MKRN2: variants seen among roughly 807,000 people sequenced by gnomAD.
MKRN2 encodes the protein E3 ubiquitin-protein ligase makorin-2.
In MKRN2, 32 loss-of-function variants were observed where a neutral mutation model predicts 45.4. That is an observed-to-expected ratio of 0.70 (90% confidence interval 0.53 to 0.95). The LOEUF (loss-of-function observed/expected upper bound fraction) is 0.95, where lower values mean the gene tolerates loss of function less well. Among genes scored for constraint, MKRN2 ranks in the 40% least tolerant of loss-of-function variants. The pLI is 0.00. For synonymous variants in MKRN2, 206 were observed against 192.4 expected (o/e 1.07, Z -0.59); for missense variants, 526 against 536.7 (o/e 0.98, Z 0.20).
chr3:12,583,607 C>CTAAATTTAATTTATTT lies in MKRN2; in HGVS notation c.*1357_*1372dup, dbSNP rs1440424634. 2 of 230,828 alleles carry CTAAATTTAATTTATTT rather than the reference C, an allele frequency of 8.7e-6. No individual in the cohort carries two copies. The highest frequency in any genetic ancestry group is 1.7e-5 in the Non-Finnish European group (2 of 116,666). 14.3% of individuals were successfully genotyped at this position (230,828 alleles called of 1,614,324 possible). A position where few individuals can be genotyped will look rare whatever the true frequency, so the allele number is the denominator to read the frequency against. Reference sequence around the variant, plus strand: ...AGGAGGTAACAGCCAGCCATTACACCTAAATTTAATTTATTTTATTAAAAT... The same window carrying CTAAATTTAATTTATTT: ...AGGAGGTAACAGCCAGCCATTACACCTAAATTTAATTTATTTTAAATTTAATTTATTTTATTAAAAT... On this transcript the variant is annotated 3_prime_UTR_variant, in exon 8 of 8. Coordinates refer to ENST00000170447, the MANE Select transcript of MKRN2 (RefSeq NM_014160.5).
rs564316962 is a variant in MKRN2 at position 12,583,354 on chromosome 3, AAT to A, written c.*1103_*1104del. The A allele has an allele frequency of 2.0e-3, 333 of 162,912 alleles. 1 individual carries two copies. Among genetic ancestry groups the A allele is most frequent in the Non-Finnish European group, 3.5e-3 (257 of 74,390 alleles). The allele number at this position is 162,912 out of a possible 1,614,324, so 10.1% of individuals were successfully genotyped here. ...AAAAGCTGTACCTACCAAATAAATA[AAT>A]AGTTTATAAAATGTATTACTTAAGG... On this transcript the variant is annotated 3_prime_UTR_variant, in exon 8 of 8. Coordinates refer to ENST00000170447, the MANE Select transcript of MKRN2 (RefSeq NM_014160.5).
intron 1 of MKRN2, among the ~76,000 whole-genome samples, chr3:12,565,999 A>T (rs1433574669): frequency 6.6e-6 from 1 of 151,986 alleles, no homozygotes; most frequent in African/African-American, 2.4e-5. Context: ...CAGGCCCCCA[A>T]GTAGCCATCA....
At chr3:12,569,042 T>A in intron 2 of MKRN2, 39 bp downstream of exon 2, 1 of 1,590,182 alleles carries the variant, frequency 6.3e-7, no homozygotes, top group East Asian at 2.3e-5. Context: ...TGACACTGAT[T>A]TCATTTGGAG....
chr3:12,579,057 T>TG (rs1488337509), intron 6 of MKRN2, among the ~76,000 whole-genome samples: 4 of 152,188 alleles, frequency 2.6e-5, no homozygotes. Context: ...GATCTTTCCT[T>TG]GCTTTGCTTT....
chr3:12,582,100 C>A lies in MKRN2; in HGVS notation c.1114-16C>A. The A allele has an allele frequency of 6.2e-7, 1 of 1,614,178 alleles. No individual in the cohort carries two copies. The highest frequency in any genetic ancestry group is 8.5e-7 in the Non-Finnish European group (1 of 1,180,020). On this transcript the variant is annotated splice_polypyrimidine_tract_variant and intron_variant, in intron 7 of 7. Coordinates refer to ENST00000170447, the MANE Select transcript of MKRN2 (RefSeq NM_014160.5). ...TCTTAGCAGTAACCAGGCATGTCCA[C>A]TGGCTGTTTTTGCAGTTCTTTAATT...
intron 6 of MKRN2, among the ~76,000 whole-genome samples, chr3:12,580,818 C>T (rs951189092): frequency 6.6e-6 from 1 of 152,204 alleles, no homozygotes; most frequent in African/African-American, 2.4e-5. Context: ...CACCGGCCTG[C>T]GGCCATCCCA....
chr3:12,581,374 AG>A (rs2058177384), intron 6 of MKRN2, among the ~76,000 whole-genome samples: 1 of 152,116 alleles, frequency 6.6e-6, no homozygotes, highest in African/African-American at 2.4e-5. Flanking sequence ...TGCGGCCAGG[AG>A]GAAGGGGAGA....
rs141437901 is a variant in MKRN2, at chr3:12,580,094, A to G, written c.969-1714A>G. Among the ~76,000 whole-genome samples the G allele has an allele frequency of 1.9e-3, 284 of 152,266 alleles. 1 individual carries two copies. Among genetic ancestry groups the G allele is most frequent in the African/African-American group, 6.6e-3 (275 of 41,540 alleles). ...GGGAAGTGATTTGTAAACAGAATGA[A>G]CACAGTTGGGTGTGAGAGCCGAGGA... On this transcript the variant is annotated intron_variant, in intron 6 of 7. Coordinates refer to ENST00000170447, the MANE Select transcript of MKRN2 (RefSeq NM_014160.5).
chr3:12,581,704 A>G, intron 6 of MKRN2, 104 bp from the exon 7 acceptor site: 1 of 1,310,482 alleles, frequency 7.6e-7, no homozygotes, highest in Non-Finnish European at 1.1e-6. Context: ...TGTGAGGCTG[A>G]CCTACCTCTG....
At chr3:12,576,937 T>TTGTTTTTTTTG (rs1553608771) in intron 6 of MKRN2, 196 bp downstream of exon 6, 3 of 215,500 alleles carry the variant, frequency 1.4e-5, no homozygotes, top group South Asian at 6.8e-5. Context: ...TTTGGTGTTT[T>TTGTTTTTTTTG]TTTTTTTTTT....
chr3:12,557,180 A>T lies in MKRN2; in HGVS notation c.26+4A>T. The T allele has an allele frequency of 6.5e-7, 1 of 1,536,042 alleles. No homozygotes were observed. Among genetic ancestry groups the T allele is most frequent in the Non-Finnish European group, 8.7e-7 (1 of 1,143,190 alleles). ...GCACCAAGCAGATCACTTGCAGGTCAGTGCGCTGGAGCCAGGAGCTTCGGG... is the reference window on the plus strand; with the variant it reads ...GCACCAAGCAGATCACTTGCAGGTCTGTGCGCTGGAGCCAGGAGCTTCGGG... On this transcript the variant is annotated splice_donor_region_variant and intron_variant, in intron 1 of 7. Transcript: ENST00000170447.
intron 1 of MKRN2, among the ~76,000 whole-genome samples, chr3:12,565,832 A>G (rs2058066302): frequency 6.6e-6 from 1 of 151,344 alleles, no homozygotes; most frequent in East Asian, 2.0e-4. Flanking sequence ...GAGCCACTGC[A>G]TGCGGCCTAT....
At chr3:12,573,629 C>T (rs1288804153) in intron 4 of MKRN2, among the ~76,000 whole-genome samples, 2 of 152,188 alleles carry the variant, frequency 1.3e-5, no homozygotes, top group East Asian at 3.9e-4. Flanking sequence ...CACAGTGGCT[C>T]ACGCCTGTAA....
intron 5 of MKRN2, among the ~76,000 whole-genome samples, chr3:12,576,291 A>G (rs1195209860): frequency 1.3e-5 from 2 of 150,976 alleles, no homozygotes; most frequent in South Asian, 4.2e-4. Flanking sequence ...TTACATGGGT[A>G]TCCATGTGCC....
At chr3:12,574,660 T>C in intron 4 of MKRN2, 132 bp from the exon 5 acceptor site, 1 of 844,706 alleles carries the variant, frequency 1.2e-6, no homozygotes, top group South Asian at 1.6e-5. Context: ...AGCCTGGGCC[T>C]TTGCTCACAG....
chr3:12,557,232 G>A, intron 1 of MKRN2, 56 bp downstream of exon 1: 1 of 1,516,842 alleles, frequency 6.6e-7, no homozygotes, highest in Non-Finnish European at 8.8e-7. Flanking sequence ...CAGGGGGGCC[G>A]GTGCGCGCCA....
At chr3:12,569,072 G>A (rs2058084166) in intron 2 of MKRN2, 69 bp downstream of exon 2, 14 of 1,502,984 alleles carry the variant, frequency 9.3e-6, no homozygotes, top group Admixed American at 2.2e-5. Flanking sequence ...TGATAAGGGG[G>A]AAATTTTAAT....
chr3:12,576,356 A>G (rs552419563), intron 5 of MKRN2, among the ~76,000 whole-genome samples: 2 of 152,136 alleles, frequency 1.3e-5, no homozygotes, highest in South Asian at 2.1e-4. Context: ...CCATGCATGC[A>G]TTAGCTGTTT....
rs2058198641 is a variant in MKRN2 at position 12,583,145 on chromosome 3, T to G, written c.*892T>G. On this transcript the variant is annotated 3_prime_UTR_variant, in exon 8 of 8. Transcript: ENST00000170447. The stretch of plus-strand genomic sequence containing the variant: ...ATCTAGCTGCAAAGCCTGGCTTTGA[T>G]TTGAAATTTTGTAAAAATTTCATGG... The G allele has an allele frequency of 6.6e-6, 1 of 152,242 alleles. No homozygotes were observed. The highest frequency in any genetic ancestry group is 2.1e-4 in the South Asian group (1 of 4,838). 9.4% of individuals were successfully genotyped at this position (152,242 alleles called of 1,614,324 possible). A position where few individuals can be genotyped will look rare whatever the true frequency, so the allele number is the denominator to read the frequency against.
Sources: gnomAD v4.1 joint callset for allele counts (sites outside exome capture counted in the v4.1 genomes callset) on GRCh38, gnomAD v4.1.1 for gene constraint, MANE v1.5 for transcripts, NCBI Gene and HGNC (gene_info 2026-07-23, HGNC 2026-07-21) for gene names.